Variants in FRAS1 observed in about 807,000 individuals in gnomAD.
The protein encoded by FRAS1 is extracellular matrix organizing protein FRAS1.
A neutral mutation model predicts 435.2 loss-of-function variants in FRAS1; 290 were observed. The observed-to-expected ratio is 0.67, with a 90% CI of 0.61 to 0.73. FRAS1 has a LOEUF of 0.73. Among genes scored for constraint, FRAS1 ranks in the 30% least tolerant of loss-of-function variants. FRAS1 has a pLI of 0.00. For missense variants in FRAS1, 4,860 were observed against 5,001.5 expected, an observed-to-expected ratio of 0.97 and a Z score of 0.85; for synonymous variants, 1,800 against 1,851.0, an observed-to-expected ratio of 0.97 and a Z score of 0.71.
At chr4:78,509,156 A>G (rs917001943) in intron 63 of FRAS1, 150 bp downstream of exon 63, 8 of 858,130 alleles carry the variant, frequency 9.3e-6, no homozygotes, top group South Asian at 9.0e-5. Context: ...ACTCTTATAC[A>G]TAAGAAAAGG....
At chr4:78,539,240 A>C in intron 72 of FRAS1, 54 bp from the exon 73 acceptor site, 1 of 1,573,434 alleles carries the variant, frequency 6.4e-7, no homozygotes, top group Non-Finnish European at 8.6e-7. Context: ...GCCACCTACC[A>C]ATATAGTGGA....
intron 14 of FRAS1, among the ~76,000 whole-genome samples, chr4:78,288,824 A>C (rs1376909013): frequency 6.6e-6 from 1 of 152,196 alleles, no homozygotes; most frequent in Non-Finnish European, 1.5e-5. Context: ...ATTTTTTGCA[A>C]TATTCATGCT....
chr4:78,442,377 T>C (rs892937304), intron 41 of FRAS1, among the ~76,000 whole-genome samples: 13 of 152,164 alleles, frequency 8.5e-5, no homozygotes, highest in African/African-American at 3.1e-4. Context: ...AGCAAAGCAC[T>C]GAGAGAGTAA....
chr4:78,466,443 G>A lies in FRAS1; in HGVS notation c.7257+8G>A, dbSNP rs759518022. On this transcript the variant is annotated splice_region_variant and intron_variant, in intron 50 of 73. Coordinates refer to ENST00000512123, the MANE Select transcript of FRAS1 (RefSeq NM_025074.7). ...GAGGAAGGGGGAAAAGAGGTGAGGG[G>A]TGAGGACACTGGAGGAGGTAGCCTA... 16 of 1,602,844 alleles carry A rather than the reference G, an allele frequency of 1.0e-5. No individual in the cohort carries two copies. Among genetic ancestry groups the A allele is most frequent in the East Asian group, 2.2e-5 (1 of 44,660 alleles).
At chr4:78,116,657 G>A (rs1157523598) in intron 2 of FRAS1, among the ~76,000 whole-genome samples, 2 of 152,096 alleles carry the variant, frequency 1.3e-5, no homozygotes, top group African/African-American at 4.8e-5. Context: ...TGCAATCCCT[G>A]CCTTTTTTTG....
intron 2 of FRAS1, among the ~76,000 whole-genome samples, chr4:78,121,531 C>T (rs60366235): frequency 0.063 from 9,559 of 152,218 alleles, 823 homozygotes; most frequent in African/African-American, 0.19. Flanking sequence ...TGTCTATGTG[C>T]CTCTTGGCAC....
At chr4:78,121,018 G>A (rs1718985398) in intron 2 of FRAS1, among the ~76,000 whole-genome samples, 1 of 152,178 alleles carries the variant, frequency 6.6e-6, no homozygotes, top group South Asian at 2.1e-4. Context: ...TCTTTAGGTA[G>A]AATGGTCCTT....
chr4:78,245,511 A>C (rs1034019182), intron 4 of FRAS1, among the ~76,000 whole-genome samples, 186 bp downstream of exon 4: 2 of 152,216 alleles, frequency 1.3e-5, no homozygotes, highest in Non-Finnish European at 2.9e-5. Context: ...TGTAGGCTCT[A>C]CATAAATATT....
In FRAS1 at chr4:78,438,984, C is replaced by A. The variant is rs1410055721; in HGVS notation, c.5449C>A (p.Leu1817Met). 2 of 1,613,346 alleles carry A rather than the reference C, an allele frequency of 1.2e-6. No homozygotes were observed. Among genetic ancestry groups the A allele is most frequent in the Admixed American group, 3.3e-5 (2 of 60,006 alleles). The change falls in exon 40 of 74, where the codon CTG becomes ATG. Residue 1817 changes from leucine to methionine, a missense_variant. Transcript: ENST00000512123. ...FSVSDMDHNH[L>M]DNQIFTIMIT... The stretch of plus-strand genomic sequence containing the variant: ...TGTCTCTGACATGGACCACAACCAT[C>A]TGGATAATCAGATATTTACCATCAT...
At chr4:78,081,581 G>A (rs1272502852) in intron 2 of FRAS1, among the ~76,000 whole-genome samples, 1 of 152,072 alleles carries the variant, frequency 6.6e-6, no homozygotes, top group African/African-American at 2.4e-5. Flanking sequence ...CATATTAATT[G>A]AGTTCAGACT....
At chr4:78,517,593 A>C (rs1217663344) in intron 66 of FRAS1, among the ~76,000 whole-genome samples, 1 of 152,234 alleles carries the variant, frequency 6.6e-6, no homozygotes, top group Non-Finnish European at 1.5e-5. Context: ...ACTAAGGCCT[A>C]GTTGGTACCT....
Position 78,058,055 on chromosome 4 carries a change from G to T in FRAS1, c.46G>T (p.Glu16Ter). Residue 16 changes from glutamate (E) to a stop codon, truncating the protein, a stop_gained, in exon 1 of 74, where the codon GAA becomes TAA. Transcript: ENST00000512123. LOFTEE classifies it high-confidence loss of function. ...VWLGLALALA[E>*]FAVLPHHSEG... ...GCTCGGGCTGGCCCTAGCGTTGGCG[G>T]AATTTGCAGTATTGCCTCATCATTC... 1 of 1,613,934 alleles carries T rather than the reference G, an allele frequency of 6.2e-7. No individual in the cohort carries two copies. Among genetic ancestry groups the T allele is most frequent in the Non-Finnish European group, 8.5e-7 (1 of 1,179,872 alleles).
chr4:78,327,879 T>G (rs1348865678), intron 18 of FRAS1, among the ~76,000 whole-genome samples: 1 of 152,148 alleles, frequency 6.6e-6, no homozygotes, highest in Non-Finnish European at 1.5e-5. Context: ...GACTTTTTTT[T>G]AAAGGATGCA....
chr4:78,153,695 G>C (rs1328633468), intron 2 of FRAS1, among the ~76,000 whole-genome samples: 1 of 152,162 alleles, frequency 6.6e-6, no homozygotes, highest in Non-Finnish European at 1.5e-5. Flanking sequence ...CAATCCAAGA[G>C]AGTCTCCTAC....
At chr4:78,490,411 G>A (rs1381090127) in intron 59 of FRAS1, among the ~76,000 whole-genome samples, 9 of 152,088 alleles carry the variant, frequency 5.9e-5, no homozygotes, top group African/African-American at 9.7e-5. Context: ...TGGAAGTAAA[G>A]CACTCCTCAG....
At chr4:78,173,168 A>C (rs1721628726) in intron 2 of FRAS1, among the ~76,000 whole-genome samples, 1 of 152,146 alleles carries the variant, frequency 6.6e-6, no homozygotes, top group African/African-American at 2.4e-5. Flanking sequence ...TGTATCCTTT[A>C]GTCTTCCTGG....
chr4:78,332,140 C>T (rs1386103836), intron 18 of FRAS1, among the ~76,000 whole-genome samples: 1 of 152,026 alleles, frequency 6.6e-6, no homozygotes, highest in Non-Finnish European at 1.5e-5. Context: ...AGTACCTGGC[C>T]CCAAGGCAGA....
chr4:78,472,837 C>A (rs911852525), intron 52 of FRAS1, among the ~76,000 whole-genome samples: 8 of 152,124 alleles, frequency 5.3e-5, no homozygotes, highest in African/African-American at 1.7e-4. Context: ...TTGTCAGGCT[C>A]CTCTAGACTT....
chr4:78,115,002 C>T (rs1303615138), intron 2 of FRAS1, among the ~76,000 whole-genome samples: 1 of 151,944 alleles, frequency 6.6e-6, no homozygotes, highest in African/African-American at 2.4e-5. Flanking sequence ...GAGATACGTC[C>T]CATCAATACC....
Sources: allele counts gnomAD v4.1 joint callset (sites outside exome capture counted in the v4.1 genomes callset), GRCh38; gene constraint gnomAD v4.1.1; transcripts MANE v1.5; gene names NCBI Gene and HGNC (gene_info 2026-07-23, HGNC 2026-07-21).